Variants in TBCK observed in about 807,000 individuals in gnomAD.
TBCK encodes the protein TBC domain-containing protein kinase-like protein.
TBCK carries 99 observed loss-of-function variants against 113.4 expected under a neutral mutation model. The ratio of observed to expected loss-of-function variants is 0.87; its 90% CI spans 0.74 to 1.03. The LOEUF (loss-of-function observed/expected upper bound fraction) is 1.03. Among genes scored for constraint, TBCK ranks in the 50% least tolerant of loss-of-function variants. The pLI, the probability that TBCK is intolerant of heterozygous loss-of-function variation, is 0.00. For missense variants in TBCK, 1,045 were observed against 1,061.3 expected, an observed-to-expected ratio of 0.98 and a Z score of 0.21; for synonymous variants, 369 against 370.8, an observed-to-expected ratio of 1.00 and a Z score of 0.05.
At chr4:106,227,834 A>G (rs887740259) in intron 19 of TBCK, among the ~76,000 whole-genome samples, 1 of 151,972 alleles carries the variant, frequency 6.6e-6, no homozygotes, top group African/African-American at 2.4e-5. Context: ...AATCTTGTTG[A>G]AAGGATATAA....
intron 5 of TBCK, among the ~76,000 whole-genome samples, chr4:106,258,435 T>A (rs1167517201): frequency 2.6e-5 from 4 of 152,092 alleles, no homozygotes. Flanking sequence ...CTTAGCTGTT[T>A]GATCACTTTA....
chr4:106,242,040 A>G (rs550319574), intron 12 of TBCK, among the ~76,000 whole-genome samples: 172 of 152,206 alleles, frequency 1.1e-3, no homozygotes, highest in African/African-American at 4.0e-3. Flanking sequence ...ATCACTCAAC[A>G]GAAAAACTGA....
At chr4:106,302,432 C>A (rs1767048037) in intron 2 of TBCK, among the ~76,000 whole-genome samples, 1 of 152,170 alleles carries the variant, frequency 6.6e-6, no homozygotes, top group African/African-American at 2.4e-5. Flanking sequence ...GAGAATCATG[C>A]TATAACGCAG....
At chr4:106,212,707 T>C (rs755012968) in intron 20 of TBCK, 43 bp downstream of exon 20, 5 of 1,428,668 alleles carry the variant, frequency 3.5e-6, no homozygotes, top group Non-Finnish European at 4.9e-6. Flanking sequence ...ATTTCTGCTT[T>C]TTTTTTTTAA....
At chr4:106,193,547 A>C in intron 22 of TBCK, 62 bp downstream of exon 22, 2 of 1,585,226 alleles carry the variant, frequency 1.3e-6, no homozygotes, top group Non-Finnish European at 1.7e-6. Context: ...CAATGGCTTA[A>C]GAATGTGTCA....
intron 23 of TBCK, among the ~76,000 whole-genome samples, chr4:106,158,290 C>T (rs1023958854): frequency 4.6e-5 from 7 of 152,020 alleles, no homozygotes; most frequent in African/African-American, 1.4e-4. Context: ...TGGCTCATGC[C>T]CATAATCCCA....
intron 23 of TBCK, among the ~76,000 whole-genome samples, chr4:106,147,439 C>T (rs912002566): frequency 6.6e-6 from 1 of 152,104 alleles, no homozygotes; most frequent in Non-Finnish European, 1.5e-5. Flanking sequence ...AGTCAGGGAC[C>T]CCAAACAGAG....
intron 19 of TBCK, among the ~76,000 whole-genome samples, chr4:106,227,095 A>G (rs1040012625): frequency 5.9e-5 from 9 of 152,082 alleles, no homozygotes; most frequent in African/African-American, 1.7e-4. Flanking sequence ...TCAACTTTAT[A>G]CAAGTCCACA....
intron 19 of TBCK, among the ~76,000 whole-genome samples, chr4:106,215,366 G>T (rs963575197): frequency 1.6e-4 from 25 of 151,778 alleles, no homozygotes; most frequent in Admixed American, 6.6e-4. Context: ...CACATAACAC[G>T]ATTAACTTTA....
At chr4:106,132,453 T>C (rs886578657) in intron 23 of TBCK, among the ~76,000 whole-genome samples, 2 of 152,172 alleles carry the variant, frequency 1.3e-5, no homozygotes, top group African/African-American at 2.4e-5. Flanking sequence ...AAGTCAAGAA[T>C]TGAGGTTTAG....
intron 22 of TBCK, among the ~76,000 whole-genome samples, chr4:106,192,845 C>T (rs1753805050): frequency 6.6e-6 from 1 of 151,950 alleles, no homozygotes; most frequent in Admixed American, 6.6e-5. Flanking sequence ...TGTTTATTAT[C>T]AGCAGTAACT....
At chr4:106,244,960 T>C (rs752320721) in intron 10 of TBCK, among the ~76,000 whole-genome samples, 196 bp from the exon 11 acceptor site, 14 of 151,950 alleles carry the variant, frequency 9.2e-5, no homozygotes, top group Admixed American at 2.0e-4. Context: ...GACTGAAAAA[T>C]CAACAATTCT....
Position 106,247,345 on chromosome 4 carries a change from A to G in TBCK, c.783-58T>C, listed in dbSNP as rs749822622. The G allele has an allele frequency of 4.8e-5, 73 of 1,511,770 alleles. No individual in the cohort carries two copies. In the African/African-American group the frequency reaches 9.3e-4, roughly 19 times the overall value. 93.6% of individuals were successfully genotyped at this position (1,511,770 alleles called of 1,614,324 possible). A position where few individuals can be genotyped will look rare whatever the true frequency, so the allele number is the denominator to read the frequency against. On this transcript the variant is annotated intron_variant, in intron 9 of 25. Coordinates refer to ENST00000394708, the MANE Select transcript of TBCK (RefSeq NM_001163435.3). The stretch of plus-strand genomic sequence containing the variant: ...AAAGTCATAAAAAATTTCCTAGAAT[A>G]ATGGCATACATTCAAGAGAATGGAT...
intron 20 of TBCK, among the ~76,000 whole-genome samples, chr4:106,197,290 G>C (rs1386731407): frequency 6.6e-6 from 1 of 151,442 alleles, no homozygotes; most frequent in African/African-American, 2.4e-5. Context: ...CATAGAGAAA[G>C]CTCCAGAAGT....
At chr4:106,212,074 T>A (rs1470320521) in intron 20 of TBCK, among the ~76,000 whole-genome samples, 1 of 152,174 alleles carries the variant, frequency 6.6e-6, no homozygotes, top group Non-Finnish European at 1.5e-5. Flanking sequence ...AACAATTTCC[T>A]TTGCACCCAC....
intron 3 of TBCK, among the ~76,000 whole-genome samples, chr4:106,267,971 A>G (rs1374693098): frequency 6.6e-6 from 1 of 151,968 alleles, no homozygotes; most frequent in East Asian, 1.9e-4. Context: ...ACTCCCAAAT[A>G]CAGATAGTCT....
intron 23 of TBCK, among the ~76,000 whole-genome samples, chr4:106,127,639 A>C (rs1050880838): frequency 6.6e-6 from 1 of 152,044 alleles, no homozygotes; most frequent in Non-Finnish European, 1.5e-5. Flanking sequence ...ACCTGAATCA[A>C]CTGGGGTGTG....
chr4:106,262,302 A>G, intron 3 of TBCK, 90 bp from the exon 4 acceptor site: 1 of 628,150 alleles, frequency 1.6e-6, no homozygotes, highest in Non-Finnish European at 2.7e-6. Flanking sequence ...GAAAATATTC[A>G]AAAAGTTATA....
intron 23 of TBCK, among the ~76,000 whole-genome samples, chr4:106,128,202 A>C (rs555528036): frequency 6.6e-6 from 1 of 152,238 alleles, no homozygotes; most frequent in Non-Finnish European, 1.5e-5. Flanking sequence ...TATAAGTTAC[A>C]TAAGGCCAGA....
Sources: allele counts gnomAD v4.1 joint callset (sites outside exome capture counted in the v4.1 genomes callset), GRCh38; gene constraint gnomAD v4.1.1; transcripts MANE v1.5; gene names NCBI Gene and HGNC (gene_info 2026-07-23, HGNC 2026-07-21).